The following TEF variants were observed in gnomAD, a reference collection of about 807,000 sequenced individuals.
TEF encodes TEF transcription factor, PAR bZIP family member, also known as thyrotroph embryonic factor.
A neutral mutation model predicts 20.8 loss-of-function variants in TEF; 3 were observed. The ratio of observed to expected loss-of-function variants is 0.14; its 90% CI spans 0.07 to 0.37. TEF has a LOEUF of 0.37. Among genes scored for constraint, TEF ranks in the 10% least tolerant of loss-of-function variants. The pLI, the probability that TEF is intolerant of heterozygous loss-of-function variation, is 1.00. For missense variants in TEF, 296 were observed against 397.9 expected (o/e 0.74, Z 2.18); for synonymous variants, 180 against 171.1 (o/e 1.05, Z -0.41).
At chr22:41,374,551 C>CAAA (rs778761708) in intron 1 of TEF, among the ~76,000 whole-genome samples, 1 of 131,100 alleles carries the variant, frequency 7.6e-6, no homozygotes, top group Non-Finnish European at 1.6e-5. Context: ...GACTCTGTCT[C>CAAA]AAAAAAAAAA....
chr22:41,394,021 G>C, intron 2 of TEF, 75 bp from the exon 3 acceptor site: 1 of 1,396,882 alleles, frequency 7.2e-7, no homozygotes, highest in African/African-American at 1.4e-5. Context: ...GGTTCAACCA[G>C]GTGTCTGGGT....
chr22:41,382,091 C>G lies in TEF; in HGVS notation c.47C>G (p.Ala16Gly). The stretch of plus-strand genomic sequence containing the variant: ...AAGAAGCCGCCTGTGGACCCGCAGG[C>G]AGGACCCGGTCCGGGGCCGGGGCGC... The part of the protein sequence containing the change: ...GGKKPPVDPQ[A>G]GPGPGPGRAA... The change falls in exon 1 of 4, where the codon GCA becomes GGA. Residue 16 changes from alanine to glycine, a missense_variant. By Grantham distance (60) the Ala-to-Gly change is moderately conservative. Transcript: ENST00000266304. The G allele has an allele frequency of 1.6e-6, 2 of 1,232,192 alleles. No individual in the cohort carries two copies. Among genetic ancestry groups the G allele is most frequent in the Non-Finnish European group, 2.0e-6 (2 of 987,878 alleles). The allele number at this position is 1,232,192 out of a possible 1,614,324, so 76.3% of individuals were successfully genotyped here.
chr22:41,389,122 C>A (rs949449612), intron 2 of TEF, among the ~76,000 whole-genome samples: 1 of 151,994 alleles, frequency 6.6e-6, no homozygotes, highest in Non-Finnish European at 1.5e-5. Flanking sequence ...TTTTACAGGC[C>A]GGGCGCAGTG....
At chr22:41,372,416 A>G (rs1296029103) in intron 1 of TEF, among the ~76,000 whole-genome samples, 1 of 152,220 alleles carries the variant, frequency 6.6e-6, no homozygotes, top group African/African-American at 2.4e-5. Flanking sequence ...AGCGTGAGCC[A>G]GGACTGTATT....
chr22:41,398,255 T>C lies in TEF; in HGVS notation c.*2295T>C, dbSNP rs1309271604. ...AAAAATCCATGCTTGCAGGAGAGGG[T>C]TGGTGCCTGCTCAGTTTCTGTCGAG... On this transcript the variant is annotated 3_prime_UTR_variant, in exon 4 of 4. Transcript: ENST00000266304. The C allele has an allele frequency of 6.5e-6, 1 of 153,536 alleles. No homozygotes were observed. Among genetic ancestry groups the C allele is most frequent in the African/African-American group, 2.4e-5 (1 of 41,380 alleles). The allele number at this position is 153,536 out of a possible 1,614,324, so 9.5% of individuals were successfully genotyped here. A position where few individuals can be genotyped will look rare whatever the true frequency, so the allele number is the denominator to read the frequency against.
At chr22:41,369,989 G>A (rs937500796) in intron 1 of TEF, 9 of 985,296 alleles carry the variant, frequency 9.1e-6, no homozygotes, top group African/African-American at 1.7e-5. Context: ...TGTGCAGAGC[G>A]TATCTCACCT....
chr22:41,381,349 C>CGCCCCGG (rs1239676215), upstream of TEF, among the ~76,000 whole-genome samples: 1 of 151,508 alleles, frequency 6.6e-6, no homozygotes, highest in Non-Finnish European at 1.5e-5. Flanking sequence ...CCTCGTGCAC[C>CGCCCCGG]GCCCCGGGCC....
chr22:41,396,767 G>A lies in TEF; in HGVS notation c.*807G>A, dbSNP rs554794021. On this transcript the variant is annotated 3_prime_UTR_variant, in exon 4 of 4. Coordinates refer to ENST00000266304, the MANE Select transcript of TEF (RefSeq NM_003216.4). ...GCTACTCAGAGGCCATGTGAAGCTC[G>A]TTTGTCCCACTAGACCAGGCCTCTG... 5 of 395,268 alleles carry A rather than the reference G, an allele frequency of 1.3e-5. No homozygotes were observed. The highest frequency in any genetic ancestry group is 2.1e-5 in the African/African-American group (1 of 48,656). 24.5% of individuals were successfully genotyped at this position (395,268 alleles called of 1,614,324 possible).
At chr22:41,367,675 G>T (rs2036837541) in intron 1 of TEF, 2 of 1,417,558 alleles carry the variant, frequency 1.4e-6, no homozygotes, top group Non-Finnish European at 1.9e-6. Context: ...CAGGCACAGT[G>T]GCAGGACAGG....
chr22:41,375,478 T>A (rs752441092), intron 1 of TEF, among the ~76,000 whole-genome samples: 3 of 151,974 alleles, frequency 2.0e-5, no homozygotes, highest in Non-Finnish European at 4.4e-5. Flanking sequence ...CGGCCGGGCG[T>A]GGTGGCACAC....
chr22:41,381,977 G>T lies in TEF; in HGVS notation c.-68G>T, dbSNP rs970701585. 2.8e-5 allele frequency: 34 copies of T among 1,228,050 alleles called. No individual in the cohort carries two copies. The highest frequency in any genetic ancestry group is 3.3e-5 in the Non-Finnish European group (33 of 985,774). 76.1% of individuals were successfully genotyped at this position (1,228,050 alleles called of 1,614,324 possible). On this transcript the variant is annotated 5_prime_UTR_variant, in exon 1 of 4. Coordinates refer to ENST00000266304, the MANE Select transcript of TEF (RefSeq NM_003216.4). Reference sequence around the variant, plus strand: ...CCCGTGTCGGCAGCTGCAGCGGGTCGCACGGCTCCGGCCCATCTCGGGGGG... The same window carrying T: ...CCCGTGTCGGCAGCTGCAGCGGGTCTCACGGCTCCGGCCCATCTCGGGGGG...
chr22:41,373,955 G>A (rs1357028787), intron 1 of TEF, among the ~76,000 whole-genome samples: 1 of 151,668 alleles, frequency 6.6e-6, no homozygotes. Context: ...GTACAGACAG[G>A]GTTTCACTAT....
chr22:41,376,858 G>A (rs375480652), intron 1 of TEF, among the ~76,000 whole-genome samples: 3 of 152,204 alleles, frequency 2.0e-5, no homozygotes, highest in Non-Finnish European at 2.9e-5. Flanking sequence ...TTTCCAAGGC[G>A]AAAATAACTG....
chr22:41,380,778 G>C (rs1569253838), upstream of TEF, among the ~76,000 whole-genome samples: 1 of 152,194 alleles, frequency 6.6e-6, no homozygotes, highest in Non-Finnish European at 1.5e-5. Flanking sequence ...GATTTCTGCG[G>C]AACTCCCGGG....
At chr22:41,387,983 C>CTTTT (rs530707936) in intron 2 of TEF, among the ~76,000 whole-genome samples, 2,214 of 50,110 alleles carry the variant, frequency 0.044, 685 homozygotes, top group Non-Finnish European at 0.052. Flanking sequence ...CAATGCTGCT[C>CTTTT]TTTTTTTTTT....
intron 1 of TEF, among the ~76,000 whole-genome samples, chr22:41,375,707 G>T (rs1301539559): frequency 1.4e-5 from 2 of 144,442 alleles, no homozygotes; most frequent in African/African-American, 5.2e-5. Context: ...CTGGGCAACA[G>T]AGCAAGACTC....
intron 1 of TEF, among the ~76,000 whole-genome samples, chr22:41,384,565 T>C (rs1419031369): frequency 6.6e-6 from 1 of 152,200 alleles, no homozygotes; most frequent in Admixed American, 6.5e-5. Context: ...CTCCAGGCCC[T>C]TTCTAATAAA....
chr22:41,389,843 G>A (rs1012700092), intron 2 of TEF, among the ~76,000 whole-genome samples: 4 of 151,972 alleles, frequency 2.6e-5, no homozygotes, highest in Non-Finnish European at 4.4e-5. Context: ...CCATTTAACC[G>A]TTGAAGGACA....
intron 2 of TEF, among the ~76,000 whole-genome samples, chr22:41,388,535 C>T (rs973725194): frequency 6.6e-6 from 1 of 151,434 alleles, no homozygotes; most frequent in Non-Finnish European, 1.5e-5. Context: ...CAAGTGCTAC[C>T]TCCATTACCT....
Sources: allele counts gnomAD v4.1 joint callset (sites outside exome capture counted in the v4.1 genomes callset), GRCh38; gene constraint gnomAD v4.1.1; transcripts MANE v1.5; gene names NCBI Gene and HGNC (gene_info 2026-07-23, HGNC 2026-07-21).